Variants in MAP2 observed in about 807,000 individuals in gnomAD.
MAP2 encodes microtubule associated protein 2.
A neutral mutation model predicts 137.6 loss-of-function variants in MAP2; 14 were observed. The observed-to-expected ratio is 0.10, with a 90% CI of 0.07 to 0.16. MAP2 has a LOEUF of 0.16. Among genes scored for constraint, MAP2 ranks in the 10% least tolerant of loss-of-function variants. MAP2 has a pLI of 1.00. For missense variants in MAP2, 2,088 were observed against 2,191.5 expected (o/e 0.95, Z 0.94); for synonymous variants, 786 against 782.3 (o/e 1.00, Z -0.08).
intron 2 of MAP2, among the ~76,000 whole-genome samples, chr2:209,548,250 A>C (rs1229126628): frequency 1.3e-5 from 2 of 152,206 alleles, no homozygotes; most frequent in Non-Finnish European, 2.9e-5. Context: ...ACAAGGAAAC[A>C]AATCACTCTG....
rs768590512 is a variant in MAP2 at position 209,733,041 on chromosome 2, G to A, written c.*2644G>A. On this transcript the variant is annotated 3_prime_UTR_variant, in exon 16 of 16. Transcript: ENST00000682079. ...AGCTTTTTGAGCACCACTCTTGTGG[G>A]GACACACATACGCTGATCTAGGAAT... 16 of 152,398 alleles carry A rather than the reference G, an allele frequency of 1.0e-4. No homozygotes were observed. The highest frequency in any genetic ancestry group is 2.2e-4 in the Non-Finnish European group (15 of 68,024). 9.4% of individuals were successfully genotyped at this position (152,398 alleles called of 1,614,324 possible). A position where few individuals can be genotyped will look rare whatever the true frequency, so the allele number is the denominator to read the frequency against.
chr2:209,625,361 T>A (rs980142930), intron 4 of MAP2, among the ~76,000 whole-genome samples: 1 of 152,214 alleles, frequency 6.6e-6, no homozygotes, highest in African/African-American at 2.4e-5. Flanking sequence ...TGACAAGCTC[T>A]TTCTCTTAAA....
chr2:209,465,000 G>A (rs991593067), intron 1 of MAP2, among the ~76,000 whole-genome samples: 3 of 151,954 alleles, frequency 2.0e-5, no homozygotes, highest in African/African-American at 7.3e-5. Context: ...AATATCATAA[G>A]CTTTCTTCTC....
At chr2:209,472,728 A>T (rs1706094513) in intron 1 of MAP2, among the ~76,000 whole-genome samples, 2 of 151,064 alleles carry the variant, frequency 1.3e-5, no homozygotes, top group African/African-American at 4.9e-5. Context: ...AGTGGTTAGA[A>T]CTACTCAAAA....
At chr2:209,631,694 C>T (rs527333623) in intron 4 of MAP2, among the ~76,000 whole-genome samples, 1 of 152,170 alleles carries the variant, frequency 6.6e-6, no homozygotes, top group South Asian at 2.1e-4. Flanking sequence ...TATTTTCGAG[C>T]CAATCATCAT....
Position 209,440,134 on chromosome 2 carries a change from C to T in MAP2, c.-222+15858C>T, listed in dbSNP as rs187812328. ...CATAGTCACTACATAATTTTTGTTT[C>T]CTTGTTTGTACAGTATTTGCAATAT... On this transcript the variant is annotated intron_variant, in intron 1 of 15. Transcript: ENST00000682079. 3.3e-4 allele frequency among the ~76,000 whole-genome samples: 50 copies of T among 151,542 alleles called. No homozygotes were observed. The Admixed American group carries it at 3.3e-3, about 10-fold the overall frequency.
chr2:209,505,296 G>GA (rs2060896690), intron 1 of MAP2, among the ~76,000 whole-genome samples: 1 of 151,940 alleles, frequency 6.6e-6, no homozygotes, highest in Non-Finnish European at 1.5e-5. Context: ...GTAGCCTTTT[G>GA]AAAAAATGAT....
At chr2:209,440,565 T>G (rs967450984) in intron 1 of MAP2, among the ~76,000 whole-genome samples, 9 of 151,550 alleles carry the variant, frequency 5.9e-5, no homozygotes, top group Non-Finnish European at 8.9e-5. Context: ...TGGAAGAGCA[T>G]TGCATTAATT....
In MAP2 at chr2:209,710,026, C is replaced by G. The variant is rs1439728778; in HGVS notation, c.4845C>G (p.Gly1615=). 2 of 1,614,062 alleles carry G rather than the reference C, an allele frequency of 1.2e-6. No individual in the cohort carries two copies. The highest frequency in any genetic ancestry group is 1.7e-6 in the Non-Finnish European group (2 of 1,179,994). ...CAAGTTATTCTTCACGCACACCAGG[C>G]ACTCCTGGAACCCCTAGCTATCCCA... ...TPPSYSSRTP[G]TPGTPSYPRT... is the part of the protein sequence containing the mutation. The change falls in exon 13 of 16, where the codon GGC becomes GGG. Residue 1615 remains glycine (G), a synonymous_variant. Transcript: ENST00000682079.
chr2:209,699,746 G>A (rs1169087714), intron 10 of MAP2, among the ~76,000 whole-genome samples: 1 of 152,100 alleles, frequency 6.6e-6, no homozygotes, highest in Non-Finnish European at 1.5e-5. Context: ...CATTCATATT[G>A]TGAAATGAAG....
intron 4 of MAP2, among the ~76,000 whole-genome samples, chr2:209,625,547 T>A (rs2092150452): frequency 6.6e-6 from 1 of 152,030 alleles, no homozygotes; most frequent in Non-Finnish European, 1.5e-5. Context: ...ATTTTAGAGA[T>A]TAGGGGCATG....
chr2:209,633,731 C>T (rs2093316731), intron 4 of MAP2, among the ~76,000 whole-genome samples: 1 of 151,706 alleles, frequency 6.6e-6, no homozygotes, highest in Admixed American at 6.6e-5. Context: ...AATTGTGAGA[C>T]CATGAAGGGA....
chr2:209,613,543 G>T (rs997269486), intron 3 of MAP2, among the ~76,000 whole-genome samples: 1 of 152,160 alleles, frequency 6.6e-6, no homozygotes, highest in Admixed American at 6.5e-5. Flanking sequence ...CAGGTTGCTG[G>T]CTTTGCAGTT....
At chr2:209,626,336 A>G (rs968513829) in intron 4 of MAP2, among the ~76,000 whole-genome samples, 1 of 152,098 alleles carries the variant, frequency 6.6e-6, no homozygotes, top group Non-Finnish European at 1.5e-5. Flanking sequence ...TATCTCTTGA[A>G]CCTGGGAGGT....
At chr2:209,642,933 C>G (rs561225695) in intron 4 of MAP2, among the ~76,000 whole-genome samples, 1 of 152,260 alleles carries the variant, frequency 6.6e-6, no homozygotes, top group Non-Finnish European at 1.5e-5. Context: ...TTTTGTGATA[C>G]TGATATGCAT....
rs2093902520 is a variant in MAP2 at position 209,640,137 on chromosome 2, G to C, written c.-29-13005G>C. On this transcript the variant is annotated intron_variant, in intron 4 of 15. Transcript: ENST00000682079. ...TACTTGTCCTTTAAACCCTCTTCCA[G>C]GCAGTGTTGATTGGCTTCCTAGTGT... 3.3e-5 allele frequency among the ~76,000 whole-genome samples: 5 copies of C among 152,152 alleles called. No homozygotes were observed. In the South Asian group the frequency reaches 1.0e-3, roughly 32 times the overall value.
intron 3 of MAP2, among the ~76,000 whole-genome samples, chr2:209,605,828 G>C (rs1188273278): frequency 6.6e-6 from 1 of 152,110 alleles, no homozygotes; most frequent in Non-Finnish European, 1.5e-5. Flanking sequence ...CCTGTTACTT[G>C]AGTACCTCTC....
intron 4 of MAP2, among the ~76,000 whole-genome samples, chr2:209,633,402 A>G (rs546989933): frequency 2.2e-4 from 34 of 152,156 alleles, no homozygotes; most frequent in Non-Finnish European, 4.4e-4. Flanking sequence ...ATTCCCATCC[A>G]GTTGGTGAAG....
intron 1 of MAP2, among the ~76,000 whole-genome samples, chr2:209,488,792 G>T (rs1289803502): frequency 6.6e-6 from 1 of 152,086 alleles, no homozygotes; most frequent in Admixed American, 6.5e-5. Flanking sequence ...CCCCAGTCAG[G>T]GGCTTATAAA....
Sources: allele counts gnomAD v4.1 joint callset (sites outside exome capture counted in the v4.1 genomes callset), GRCh38; gene constraint gnomAD v4.1.1; transcripts MANE v1.5; gene names NCBI Gene and HGNC (gene_info 2026-07-23, HGNC 2026-07-21).